Variants in FRMD6 observed in about 807,000 individuals in gnomAD.
FRMD6 encodes FERM domain containing 6, also known as FERM domain-containing protein 6.
FRMD6 carries 37 observed loss-of-function variants against 73.2 expected under a neutral mutation model. The observed-to-expected ratio is 0.51, with a 90% CI of 0.39 to 0.66. FRMD6 has a LOEUF of 0.66. Among genes scored for constraint, FRMD6 ranks in the 30% least tolerant of loss-of-function variants. The probability of loss-of-function intolerance (pLI) is 0.00; values close to 1 mark genes in which losing one functional copy is unlikely to be tolerated. For synonymous variants in FRMD6, 273 were observed against 282.2 expected, an observed-to-expected ratio of 0.97 and a Z score of 0.33; for missense variants, 714 against 780.5, an observed-to-expected ratio of 0.91 and a Z score of 1.02.
chr14:51,683,371 C>T (rs1894936964), intron 1 of FRMD6, among the ~76,000 whole-genome samples: 1 of 152,094 alleles, frequency 6.6e-6, no homozygotes. Context: ...AGCCCATCTC[C>T]TGGGCTCAAG....
At chr14:51,696,977 C>T (rs969587094) in intron 2 of FRMD6, among the ~76,000 whole-genome samples, 1 of 152,070 alleles carries the variant, frequency 6.6e-6, no homozygotes, top group Non-Finnish European at 1.5e-5. Context: ...CATCTCACAC[C>T]TGTTAGAATG....
intron 6 of FRMD6, 93 bp from the exon 7 acceptor site, chr14:51,707,985 T>G: frequency 8.1e-7 from 1 of 1,229,172 alleles, no homozygotes; most frequent in Non-Finnish European, 1.2e-6. Flanking sequence ...ATGGCCTATT[T>G]TAGCTTCTCA....
chr14:51,712,207 T>A (rs1170394566), intron 8 of FRMD6, among the ~76,000 whole-genome samples: 1 of 152,190 alleles, frequency 6.6e-6, no homozygotes, highest in African/African-American at 2.4e-5. Context: ...ATCTCTTGAA[T>A]ACCTGAGTCC....
intron 2 of FRMD6, among the ~76,000 whole-genome samples, chr14:51,605,763 A>G (rs1475637027): frequency 6.6e-6 from 1 of 152,192 alleles, no homozygotes; most frequent in Admixed American, 6.5e-5. Flanking sequence ...GATGTGGGCT[A>G]TACATTTTGA....
the FRMD6 span, among the ~76,000 whole-genome samples, chr14:51,444,040 C>T: frequency 1.3e-5 from 2 of 150,480 alleles, no homozygotes; most frequent in African/African-American, 2.5e-5. Context: ...GTGATTCTTC[C>T]GCTTCAGCCT....
At chr14:51,410,078 T>G in the FRMD6 span, among the ~76,000 whole-genome samples, 1 of 152,244 alleles carries the variant, frequency 6.6e-6, no homozygotes, top group Non-Finnish European at 1.5e-5. Context: ...TGTCTTATGC[T>G]TTTGTACAAA....
chr14:51,471,373 C>T, the FRMD6 span, among the ~76,000 whole-genome samples: 26 of 151,990 alleles, frequency 1.7e-4, no homozygotes, highest in East Asian at 4.1e-3. Flanking sequence ...TGGTGGCAGG[C>T]GCCTGTAGTC....
chr14:51,657,026 C>T (rs1407327532), intron 1 of FRMD6, among the ~76,000 whole-genome samples: 1 of 152,078 alleles, frequency 6.6e-6, no homozygotes, highest in Non-Finnish European at 1.5e-5. Context: ...AATTTATAGC[C>T]ACAGTTTCAT....
chr14:51,404,410 A>G, the FRMD6 span, among the ~76,000 whole-genome samples: 1 of 152,038 alleles, frequency 6.6e-6, no homozygotes, highest in African/African-American at 2.4e-5. Flanking sequence ...AATTTGCCAA[A>G]TTTCTCAAAT....
chr14:51,433,354 A>G, the FRMD6 span, among the ~76,000 whole-genome samples: 92 of 152,342 alleles, frequency 6.0e-4, 1 homozygote, highest in African/African-American at 2.1e-3. Context: ...AGTACTATAT[A>G]TCTGTAAAAA....
chr14:51,665,727 C>T (rs573933294), intron 1 of FRMD6, among the ~76,000 whole-genome samples: 3 of 152,286 alleles, frequency 2.0e-5, no homozygotes, highest in Admixed American at 2.0e-4. Flanking sequence ...CCAAGAATTC[C>T]CATGTGTTGT....
At chr14:51,436,810 TGATGAA>T in the FRMD6 span, 1 of 539,270 alleles carries the variant, frequency 1.9e-6, no homozygotes, top group Non-Finnish European at 3.3e-6. Context: ...GAGAAGATGA[TGATGAA>T]GATGAAGAAG....
chr14:51,527,946 AC>A (rs1885356296), intron 1 of FRMD6, among the ~76,000 whole-genome samples: 1 of 152,058 alleles, frequency 6.6e-6, no homozygotes, highest in Admixed American at 6.5e-5. Context: ...TTTGAGAGCA[AC>A]CTGGGCAACA....
chr14:51,657,422 C>A (rs1242196379), intron 1 of FRMD6, among the ~76,000 whole-genome samples: 1 of 152,170 alleles, frequency 6.6e-6, no homozygotes, highest in African/African-American at 2.4e-5. Flanking sequence ...CTTTTATTGT[C>A]ATGGTTAGTT....
At chr14:51,661,682 G>A (rs964473873) in intron 1 of FRMD6, among the ~76,000 whole-genome samples, 6 of 152,206 alleles carry the variant, frequency 3.9e-5, no homozygotes, top group Non-Finnish European at 7.3e-5. Flanking sequence ...CAAGCAGGGT[G>A]AAGACTGAGA....
intron 1 of FRMD6, among the ~76,000 whole-genome samples, chr14:51,490,421 G>A (rs994647550): frequency 6.6e-6 from 1 of 152,002 alleles, no homozygotes; most frequent in Non-Finnish European, 1.5e-5. Context: ...ATGAGGGAGG[G>A]AGAGAGGAGA....
the FRMD6 span, among the ~76,000 whole-genome samples, chr14:51,435,161 C>A: frequency 6.6e-6 from 1 of 152,136 alleles, no homozygotes; most frequent in South Asian, 2.1e-4. Context: ...GTATCAATGT[C>A]AATTTCCTGG....
At chr14:51,421,436 C>A in the FRMD6 span, among the ~76,000 whole-genome samples, 1 of 152,134 alleles carries the variant, frequency 6.6e-6, no homozygotes, top group Non-Finnish European at 1.5e-5. Context: ...CTGCAAATCA[C>A]CGCCATTGAG....
intron 1 of FRMD6, among the ~76,000 whole-genome samples, chr14:51,563,353 C>T (rs966301492): frequency 2.6e-5 from 4 of 152,138 alleles, no homozygotes; most frequent in Non-Finnish European, 2.9e-5. Context: ...GCATAGCCAT[C>T]AAGAGCTAGA....
Sources: gnomAD v4.1 joint callset for allele counts (sites outside exome capture counted in the v4.1 genomes callset) on GRCh38, gnomAD v4.1.1 for gene constraint, MANE v1.5 for transcripts, NCBI Gene and HGNC (gene_info 2026-07-23, HGNC 2026-07-21) for gene names.